The following GRM8 variants were observed in gnomAD, a reference collection of about 807,000 sequenced individuals.
GRM8 encodes the protein metabotropic glutamate receptor 8.
A neutral mutation model predicts 87.2 loss-of-function variants in GRM8; 47 were observed. The ratio of observed to expected loss-of-function variants is 0.54; its 90% CI spans 0.43 to 0.69. The LOEUF (loss-of-function observed/expected upper bound fraction) is 0.69. Among genes scored for constraint, GRM8 ranks in the 30% least tolerant of loss-of-function variants. The pLI is 0.00. For synonymous variants in GRM8, 396 were observed against 404.5 expected (o/e 0.98, Z 0.25); for missense variants, 1,019 against 1,139.2 (o/e 0.89, Z 1.52).
chr7:126,922,219 A>G (rs994913929), intron 3 of GRM8, among the ~76,000 whole-genome samples: 28 of 152,334 alleles, frequency 1.8e-4, no homozygotes, highest in African/African-American at 6.5e-4. Flanking sequence ...ATTTTAGTAC[A>G]CTAGATTAAC....
intron 3 of GRM8, among the ~76,000 whole-genome samples, chr7:126,917,558 G>A (rs771618996): frequency 6.6e-6 from 1 of 152,010 alleles, no homozygotes; most frequent in Non-Finnish European, 1.5e-5. Context: ...ATGCTATCAG[G>A]TTAGTAGGGT....
At position 126,533,542 on chromosome 7, in the gene GRM8, C is replaced by T. The variant is rs760774902; in HGVS notation, c.1840G>A (p.Val614Met). The T allele has an allele frequency of 4.3e-6, 7 of 1,613,942 alleles. No homozygotes were observed. The highest frequency in any genetic ancestry group is 1.7e-5 in the Admixed American group (1 of 60,006). ...CTAAGTTCGCGTCCTGAAGCCCTCACGATAGGTGTGTCATTATAGCGGACA... is the reference window on the plus strand; with the variant it reads ...CTAAGTTCGCGTCCTGAAGCCCTCATGATAGGTGTGTCATTATAGCGGACA... ...TFVRYNDTPI[V>M]RASGRELSYV... Residue 614 changes from valine (V) to methionine (M), a missense_variant, in exon 9 of 11, where the codon GTG becomes ATG. Coordinates refer to ENST00000339582, the MANE Select transcript of GRM8 (RefSeq NM_000845.3).
At chr7:126,490,915 G>T (rs1807930940) in intron 9 of GRM8, among the ~76,000 whole-genome samples, 1 of 151,976 alleles carries the variant, frequency 6.6e-6, no homozygotes, top group African/African-American at 2.4e-5. Context: ...TATGTCCAAG[G>T]CATAGTAAAT....
At chr7:126,740,809 T>C (rs189360177) in intron 7 of GRM8, among the ~76,000 whole-genome samples, 3 of 152,158 alleles carry the variant, frequency 2.0e-5, no homozygotes, top group Non-Finnish European at 2.9e-5. Context: ...TAACCTGCCA[T>C]AATAAGTAGT....
At chr7:127,063,048 C>A (rs1820774229) in intron 3 of GRM8, among the ~76,000 whole-genome samples, 1 of 151,654 alleles carries the variant, frequency 6.6e-6, no homozygotes, top group Admixed American at 6.6e-5. Flanking sequence ...GTCAGGAGAT[C>A]AAGACCATGC....
At chr7:127,070,804 T>C (rs1399090367) in intron 3 of GRM8, among the ~76,000 whole-genome samples, 4 of 152,184 alleles carry the variant, frequency 2.6e-5, no homozygotes, top group Admixed American at 2.0e-4. Flanking sequence ...GTTTTAGAAC[T>C]GGTGACAGCA....
At chr7:126,588,165 A>C (rs1164545017) in intron 8 of GRM8, among the ~76,000 whole-genome samples, 1 of 152,242 alleles carries the variant, frequency 6.6e-6, no homozygotes, top group East Asian at 1.9e-4. Context: ...AAAAGCAGTC[A>C]AATGAGAACT....
At chr7:126,546,696 ATGTT>A (rs1417355453) in intron 8 of GRM8, among the ~76,000 whole-genome samples, 1 of 152,192 alleles carries the variant, frequency 6.6e-6, no homozygotes, top group Non-Finnish European at 1.5e-5. Flanking sequence ...AATAAGGTAA[ATGTT>A]TGTTTCATGG....
At chr7:126,545,246 A>G in intron 8 of GRM8, among the ~76,000 whole-genome samples, 1 of 152,216 alleles carries the variant, frequency 6.6e-6, no homozygotes, top group East Asian at 1.9e-4. Context: ...GGTAAATGGG[A>G]TGTAATAACC....
chr7:127,234,377 T>C (rs1229815664), intron 2 of GRM8, among the ~76,000 whole-genome samples: 2 of 152,242 alleles, frequency 1.3e-5, no homozygotes, highest in Non-Finnish European at 2.9e-5. Context: ...TCATTATTCA[T>C]GAGCTATGCA....
chr7:126,554,000 A>T (rs891675944), intron 8 of GRM8, among the ~76,000 whole-genome samples: 10 of 151,948 alleles, frequency 6.6e-5, no homozygotes, highest in Non-Finnish European at 1.0e-4. Context: ...TTTATTTTTC[A>T]TTTTCAATGC....
intron 8 of GRM8, among the ~76,000 whole-genome samples, chr7:126,581,954 T>A (rs752992825): frequency 2.0e-5 from 3 of 152,140 alleles, no homozygotes; most frequent in Non-Finnish European, 4.4e-5. Flanking sequence ...CTTTGGGCCT[T>A]GATATTCCCT....
intron 6 of GRM8, among the ~76,000 whole-genome samples, chr7:126,881,191 TA>T (rs1474117714): frequency 1.5e-4 from 23 of 152,114 alleles, no homozygotes; most frequent in Admixed American, 1.5e-3. Flanking sequence ...GTTATTTGCA[TA>T]AATTGTAGAC....
intron 3 of GRM8, among the ~76,000 whole-genome samples, chr7:126,943,323 C>T (rs1276846287): frequency 6.6e-6 from 1 of 152,188 alleles, no homozygotes; most frequent in Non-Finnish European, 1.5e-5. Flanking sequence ...CTCTCCACTA[C>T]CCAGAGCAAG....
At chr7:126,745,965 T>C (rs1310344260) in intron 7 of GRM8, among the ~76,000 whole-genome samples, 1 of 151,796 alleles carries the variant, frequency 6.6e-6, no homozygotes. Context: ...ATTTATATCT[T>C]CTGAAAATTC....
intron 6 of GRM8, among the ~76,000 whole-genome samples, chr7:126,840,561 T>C (rs1414281274): frequency 1.3e-5 from 2 of 152,214 alleles, no homozygotes; most frequent in Non-Finnish European, 2.9e-5. Context: ...CAGACACTAA[T>C]GTTATATCAA....
chr7:127,109,478 G>C (rs1259668766), intron 2 of GRM8, among the ~76,000 whole-genome samples: 1 of 152,064 alleles, frequency 6.6e-6, no homozygotes, highest in Non-Finnish European at 1.5e-5. Flanking sequence ...TATTCTCACA[G>C]CATCTGCACC....
intron 9 of GRM8, 81 bp downstream of exon 9, chr7:126,532,870 AC>A: frequency 1.3e-6 from 1 of 745,052 alleles, no homozygotes; most frequent in Non-Finnish European, 2.2e-6. Flanking sequence ...ATATAAGTGA[AC>A]CAAATAAAAG....
At chr7:127,153,477 G>A (rs1165856233) in intron 2 of GRM8, among the ~76,000 whole-genome samples, 1 of 152,144 alleles carries the variant, frequency 6.6e-6, no homozygotes, top group African/African-American at 2.4e-5. Context: ...GTGATGGTAT[G>A]GGTCAGATAT....
Sources: allele counts gnomAD v4.1 joint callset (sites outside exome capture counted in the v4.1 genomes callset), GRCh38; gene constraint gnomAD v4.1.1; transcripts MANE v1.5; gene names NCBI Gene and HGNC (gene_info 2026-07-23, HGNC 2026-07-21).